The following SMAD1 variants were observed in gnomAD, a reference collection of about 807,000 sequenced individuals.
SMAD1 encodes the protein MAD, mothers against decapentaplegic homolog 1.
A neutral mutation model predicts 41.6 loss-of-function variants in SMAD1; 6 were observed. That is an observed-to-expected ratio of 0.14 (90% confidence interval 0.08 to 0.28). SMAD1 has a LOEUF of 0.28. SMAD1 is among the 10% of genes least tolerant of loss of function. The probability of loss-of-function intolerance (pLI) is 1.00; values close to 1 mark genes in which losing one functional copy is unlikely to be tolerated. For missense variants in SMAD1, 379 were observed against 582.6 expected, an observed-to-expected ratio of 0.65 and a Z score of 3.60; for synonymous variants, 206 against 203.2, an observed-to-expected ratio of 1.01 and a Z score of -0.12.
At chr4:145,555,901 G>A (rs780930280) in intron 6 of SMAD1, among the ~76,000 whole-genome samples, 1 of 152,066 alleles carries the variant, frequency 6.6e-6, no homozygotes, top group Non-Finnish European at 1.5e-5. Flanking sequence ...AACTTAGCCT[G>A]GAAGTTGGAT....
In SMAD1 at chr4:145,514,348, A is replaced by T. The variant is rs1410398629; in HGVS notation, c.-176-90A>T. On this transcript the variant is annotated intron_variant, in intron 1 of 6. Coordinates refer to ENST00000302085, the MANE Select transcript of SMAD1 (RefSeq NM_005900.3). This position sits in a 1 kb window ranked among gnomAD's most constrained non-coding sequence, Gnocchi z 4.7. ...ACAGCATACTGTATTACATAAAAGC[A>T]CTTAAAATAGTACCTAGCACATGGT... 2.7e-6 allele frequency: 1 copy of T among 363,988 alleles called. No homozygotes were observed. The highest frequency in any genetic ancestry group is 4.9e-6 in the Non-Finnish European group (1 of 204,144). The allele number at this position is 363,988 out of a possible 1,614,324, so 22.5% of individuals were successfully genotyped here.
At chr4:145,484,932 T>G (rs1469565717) in intron 1 of SMAD1, among the ~76,000 whole-genome samples, 1 of 152,232 alleles carries the variant, frequency 6.6e-6, no homozygotes, top group African/African-American at 2.4e-5. Flanking sequence ...AACAAAGATA[T>G]TTGAATTGAA....
intron 1 of SMAD1, among the ~76,000 whole-genome samples, chr4:145,496,408 T>G (rs1560725887): frequency 6.6e-6 from 1 of 152,156 alleles, no homozygotes; most frequent in Non-Finnish European, 1.5e-5. Flanking sequence ...GAGACCTATT[T>G]AATTAAATTT....
chr4:145,494,750 G>A (rs1309210675), intron 1 of SMAD1, among the ~76,000 whole-genome samples: 1 of 152,188 alleles, frequency 6.6e-6, no homozygotes, highest in African/African-American at 2.4e-5. Context: ...ATTACATCAG[G>A]AAATATGGTA....
At chr4:145,547,865 A>G (rs565494480) in intron 5 of SMAD1, among the ~76,000 whole-genome samples, 13 of 151,848 alleles carry the variant, frequency 8.6e-5, no homozygotes, top group African/African-American at 1.7e-4. Flanking sequence ...ATGGGTATGT[A>G]TATGCGTTTT....
chr4:145,553,860 G>C lies in SMAD1; in HGVS notation c.1074G>C (p.Arg358=), dbSNP rs755475612. 2.2e-5 allele frequency: 36 copies of C among 1,613,956 alleles called. No homozygotes were observed. Among genetic ancestry groups the C allele is most frequent in the Non-Finnish European group, 2.9e-5 (34 of 1,179,980 alleles). ...ACAGTAGCATCTTTGTGCAAAGTCGGAACTGCAACTACCATCATGGATTTC... is the reference window on the plus strand; with the variant it reads ...ACAGTAGCATCTTTGTGCAAAGTCGCAACTGCAACTACCATCATGGATTTC... ...LSDSSIFVQS[R]NCNYHHGFHP... Residue 358 remains arginine, a synonymous_variant, in exon 6 of 7, where the codon CGG becomes CGC. Transcript: ENST00000302085.
chr4:145,519,460 C>T (rs575627836), intron 2 of SMAD1, among the ~76,000 whole-genome samples: 1 of 151,436 alleles, frequency 6.6e-6, no homozygotes, highest in South Asian at 2.1e-4. Flanking sequence ...CCACCCCTAG[C>T]CTAAGCAACA....
chr4:145,514,817 C>G lies in SMAD1; in HGVS notation c.204C>G (p.Pro68=). The G allele has an allele frequency of 6.2e-7, 1 of 1,614,106 alleles. No individual in the cohort carries two copies. The highest frequency in any genetic ancestry group is 8.5e-7 in the Non-Finnish European group (1 of 1,180,010). Reference sequence around the variant, plus strand: ...AACCGAGTAACTGTGTCACCATTCCCCGCTCTCTGGATGGCAGGCTGCAAG... The same window carrying G: ...AACCGAGTAACTGTGTCACCATTCCGCGCTCTCTGGATGGCAGGCTGCAAG... ...PGQPSNCVTI[P]RSLDGRLQVS... Residue 68 remains proline, a synonymous_variant, in exon 2 of 7, where the codon CCC becomes CCG. Transcript: ENST00000302085. The surrounding 1 kb of genome is among the most constrained non-coding windows in gnomAD (Gnocchi z 4.7).
Position 145,499,371 on chromosome 4 carries a change from C to G in SMAD1, c.-176-15067C>G, listed in dbSNP as rs1440991944. Among the ~76,000 whole-genome samples, 6 of 152,232 alleles carry G rather than the reference C, an allele frequency of 3.9e-5. No homozygotes were observed. In the East Asian group the frequency reaches 9.6e-4, roughly 24 times the overall value. On this transcript the variant is annotated intron_variant, in intron 1 of 6. Transcript: ENST00000302085. The stretch of plus-strand genomic sequence containing the variant: ...GGCATGGTGGTTCATGCCAGTAATC[C>G]CAACCCTTTGGGAGGCTGAAGCGGT...
chr4:145,554,145 TATC>T (rs1270061409), intron 6 of SMAD1, 105 bp downstream of exon 6: 3 of 1,047,332 alleles, frequency 2.9e-6, no homozygotes, highest in African/African-American at 3.2e-5. Context: ...GATAACATAT[TATC>T]ATATTAGCTG....
rs1014128394 is a variant in SMAD1 at position 145,533,952 on chromosome 4, G to A, written c.401-5852G>A. ...ACCCCAAGCACCATAGAATATGACT[G>A]TTTTTGGAGATAGGGCCTTTAAAAG... On this transcript the variant is annotated intron_variant, in intron 2 of 6. Transcript: ENST00000302085. Among the ~76,000 whole-genome samples, 4 of 152,278 alleles carry A rather than the reference G, an allele frequency of 2.6e-5. No homozygotes were observed. In the South Asian group the frequency reaches 8.3e-4, roughly 32 times the overall value.
chr4:145,488,754 A>G (rs1211665651), intron 1 of SMAD1, among the ~76,000 whole-genome samples: 3 of 152,198 alleles, frequency 2.0e-5, no homozygotes, highest in Admixed American at 2.0e-4. Flanking sequence ...ATTTTGCTGC[A>G]GTATTGTAAT....
At chr4:145,551,284 G>A (rs749180439) in intron 5 of SMAD1, among the ~76,000 whole-genome samples, 1 of 152,144 alleles carries the variant, frequency 6.6e-6, no homozygotes, top group Non-Finnish European at 1.5e-5. Context: ...GTTAGCGTTT[G>A]GGTGAGGCTG....
chr4:145,483,712 T>C (rs963760764), intron 1 of SMAD1, among the ~76,000 whole-genome samples: 1 of 152,166 alleles, frequency 6.6e-6, no homozygotes, highest in African/African-American at 2.4e-5. Context: ...AAGGTGTAGC[T>C]AGGGTCGTGA....
rs550482358 is a variant in SMAD1 at position 145,522,671 on chromosome 4, GTTTTGTTT to G, written c.400+7671_400+7678del. 4.6e-3 allele frequency among the ~76,000 whole-genome samples: 701 copies of G among 151,964 alleles called. 1 individual carries two copies. Among genetic ancestry groups the G allele is most frequent in the African/African-American group, 0.016 (672 of 41,402 alleles). On this transcript the variant is annotated intron_variant, in intron 2 of 6. Transcript: ENST00000302085. ...TTGTGAATGTGTTTTGTTTTGTTTT[GTTTTGTTT>G]TTTTGTTTTTTTTAATTTGAGATGG...
At chr4:145,535,172 A>T (rs72946745) in intron 2 of SMAD1, among the ~76,000 whole-genome samples, 1 of 152,340 alleles carries the variant, frequency 6.6e-6, no homozygotes, top group African/African-American at 2.4e-5. Context: ...GTCACCCATC[A>T]GGTTGTCAGG....
chr4:145,537,511 A>G (rs779375965), intron 2 of SMAD1, among the ~76,000 whole-genome samples: 1 of 152,218 alleles, frequency 6.6e-6, no homozygotes, highest in East Asian at 1.9e-4. Flanking sequence ...TAAATTTTTT[A>G]AAGTTCATAG....
intron 1 of SMAD1, among the ~76,000 whole-genome samples, chr4:145,502,462 C>T (rs911962336): frequency 4.4e-4 from 67 of 152,170 alleles, no homozygotes; most frequent in African/African-American, 1.5e-3. Flanking sequence ...TTCAAGTAAT[C>T]ATCTAATCAG....
rs576094593 is a variant in SMAD1 at position 145,558,335 on chromosome 4, G to A, written c.*401G>A. Among the ~76,000 whole-genome samples, 2 of 152,246 alleles carry A rather than the reference G, an allele frequency of 1.3e-5. No homozygotes were observed. Among genetic ancestry groups the A allele is most frequent in the Admixed American group, 6.5e-5 (1 of 15,292 alleles). On this transcript the variant is annotated 3_prime_UTR_variant, in exon 7 of 7. Transcript: ENST00000302085. ...TTAGCATTAATAGTTGTTCTGAAACGTGTTTTATCAGGTTTAGAGCCCATG... is the reference window on the plus strand; with the variant it reads ...TTAGCATTAATAGTTGTTCTGAAACATGTTTTATCAGGTTTAGAGCCCATG...
Sources: allele counts gnomAD v4.1 joint callset (sites outside exome capture counted in the v4.1 genomes callset), GRCh38; gene constraint gnomAD v4.1.1; non-coding constraint Gnocchi (gnomAD v3.1); transcripts MANE v1.5; gene names NCBI Gene and HGNC (gene_info 2026-07-23, HGNC 2026-07-21).